Variants in MCTP1 observed in about 807,000 individuals in gnomAD.
MCTP1 encodes multiple C2 and transmembrane domain containing 1, also known as multiple C2 and transmembrane domain-containing protein 1.
In MCTP1, 69 loss-of-function variants were observed where a neutral mutation model predicts 120.6. That is an observed-to-expected ratio of 0.57 (90% CI 0.47 to 0.70). The LOEUF (loss-of-function observed/expected upper bound fraction) is 0.70, where lower values mean the gene tolerates loss of function less well. Ranked by LOEUF, MCTP1 falls within the 30% of genes least tolerant of loss-of-function variation. The pLI, the probability that MCTP1 is intolerant of heterozygous loss-of-function variation, is 0.00. For missense variants in MCTP1, 1,203 were observed against 1,248.8 expected (o/e 0.96, Z 0.55); for synonymous variants, 529 against 493.1 (o/e 1.07, Z -0.96).
At chr5:94,836,306 G>C (rs1322150735) in intron 17 of MCTP1, among the ~76,000 whole-genome samples, 2 of 151,916 alleles carry the variant, frequency 1.3e-5, no homozygotes, top group Non-Finnish European at 2.9e-5. Flanking sequence ...AGTGCCAATG[G>C]TATACAAAAT....
intron 1 of MCTP1, among the ~76,000 whole-genome samples, chr5:95,273,430 A>C (rs1384397503): frequency 6.6e-6 from 1 of 152,184 alleles, no homozygotes; most frequent in Non-Finnish European, 1.5e-5. Context: ...AAAATTTCCA[A>C]CAGAGCCCTT....
chr5:94,750,808 C>G (rs376049914), intron 19 of MCTP1, among the ~76,000 whole-genome samples: 85 of 152,248 alleles, frequency 5.6e-4, no homozygotes, highest in African/African-American at 1.4e-3. Flanking sequence ...ATACTGATGC[C>G]TAATTCAAAG....
At chr5:94,944,053 A>AT (rs1818364341) in intron 3 of MCTP1, among the ~76,000 whole-genome samples, 1 of 151,244 alleles carries the variant, frequency 6.6e-6, no homozygotes, top group Non-Finnish European at 1.5e-5. Context: ...TTTTCTTTTT[A>AT]TTTTTTTCTC....
intron 1 of MCTP1, among the ~76,000 whole-genome samples, chr5:95,137,101 C>T (rs1442209749): frequency 6.6e-6 from 1 of 152,114 alleles, no homozygotes; most frequent in Non-Finnish European, 1.5e-5. Context: ...AGTGTGATGC[C>T]CCCTGCTTAC....
At chr5:95,166,291 T>G (rs1215901234) in intron 1 of MCTP1, 1 of 152,172 alleles carries the variant, frequency 6.6e-6, no homozygotes, top group Non-Finnish European at 1.5e-5. Context: ...CTAAAAGCTT[T>G]GAGTTCTCCA....
intron 19 of MCTP1, among the ~76,000 whole-genome samples, chr5:94,761,036 G>A (rs926574715): frequency 5.9e-5 from 9 of 152,130 alleles, no homozygotes; most frequent in East Asian, 1.9e-4. Flanking sequence ...TATGATAAAC[G>A]CCCTTGAACA....
rs1318602147 is a variant in MCTP1 at position 95,144,909 on chromosome 5, T to C, written c.721-127425A>G. Among the ~76,000 whole-genome samples the C allele has an allele frequency of 2.6e-5, 4 of 152,174 alleles. No homozygotes were observed. The East Asian group carries it at 7.7e-4, about 29-fold the overall frequency. On this transcript the variant is annotated intron_variant, in intron 1 of 22. Coordinates refer to ENST00000515393, the MANE Select transcript of MCTP1 (RefSeq NM_024717.7). Reference sequence around the variant, plus strand: ...TTTTGGTTCCATATGAATTTTGGAATAGTTTTTTTCCTACTTCTGTGGAAA... The same window carrying C: ...TTTTGGTTCCATATGAATTTTGGAACAGTTTTTTTCCTACTTCTGTGGAAA...
At chr5:94,735,418 A>G (rs1215679271) in intron 19 of MCTP1, among the ~76,000 whole-genome samples, 1 of 152,152 alleles carries the variant, frequency 6.6e-6, no homozygotes, top group Non-Finnish European at 1.5e-5. Context: ...AGCTGAGACT[A>G]CAGGCGTACA....
At chr5:95,018,519 G>A (rs2153669678) in intron 1 of MCTP1, among the ~76,000 whole-genome samples, 1 of 146,954 alleles carries the variant, frequency 6.8e-6, no homozygotes, top group East Asian at 2.2e-4. Context: ...TTTTTTTGAG[G>A]TTTTAAGACC....
chr5:94,716,828 C>T (rs1759572711), intron 19 of MCTP1, among the ~76,000 whole-genome samples: 1 of 149,970 alleles, frequency 6.7e-6, no homozygotes, highest in Non-Finnish European at 1.5e-5. Context: ...GTGGAGAAAA[C>T]GGGGAGAACT....
chr5:94,897,321 G>C (rs1403985631), intron 10 of MCTP1, among the ~76,000 whole-genome samples: 2 of 149,512 alleles, frequency 1.3e-5, no homozygotes, highest in Non-Finnish European at 3.0e-5. Flanking sequence ...CAATCCACCT[G>C]GCTCGGCATT....
At position 94,783,269 on chromosome 5, in the gene MCTP1, A is replaced by G. The variant is rs78056242; in HGVS notation, c.2557-4106T>C. ...TTAAAAAGCATATTTCTTCCTCTAT[A>G]TTCAATATTTGCTGAACATTTGTCA... On this transcript the variant is annotated intron_variant, in intron 18 of 22. Coordinates refer to ENST00000515393, the MANE Select transcript of MCTP1 (RefSeq NM_024717.7). 5.0e-3 allele frequency among the ~76,000 whole-genome samples: 757 copies of G among 152,240 alleles called. 4 individuals carry two copies. The highest frequency in any genetic ancestry group is 0.018 in the African/African-American group (747 of 41,560).
chr5:95,052,680 G>T lies in MCTP1; in HGVS notation c.721-35196C>A, dbSNP rs529133387. On this transcript the variant is annotated intron_variant, in intron 1 of 22. Coordinates refer to ENST00000515393, the MANE Select transcript of MCTP1 (RefSeq NM_024717.7). ...CACAGACTGAAGGACTGTGGCCCTGGTTGGTAGGAGGTGGTATCCAGGGAT... is the reference window on the plus strand; with the variant it reads ...CACAGACTGAAGGACTGTGGCCCTGTTTGGTAGGAGGTGGTATCCAGGGAT... 6.6e-5 allele frequency among the ~76,000 whole-genome samples: 10 copies of T among 152,306 alleles called. No homozygotes were observed. The South Asian group carries it at 2.1e-3, about 32-fold the overall frequency.
At chr5:94,710,682 A>G (rs306573) in intron 21 of MCTP1, 136 bp downstream of exon 21, 447,515 of 594,666 alleles carry the variant, frequency 0.75, 170,077 homozygotes, top group East Asian at 0.95. Context: ...ATTTTTAACC[A>G]ACCTGTCTCT....
chr5:94,973,541 A>G (rs576857565), intron 2 of MCTP1, among the ~76,000 whole-genome samples: 1 of 152,230 alleles, frequency 6.6e-6, no homozygotes, highest in East Asian at 1.9e-4. Context: ...GAAGACAGAG[A>G]CCATTTTTGC....
intron 2 of MCTP1, among the ~76,000 whole-genome samples, chr5:94,971,555 T>C (rs897468717): frequency 1.3e-5 from 2 of 152,218 alleles, no homozygotes; most frequent in African/African-American, 4.8e-5. Flanking sequence ...TAGTGGATGC[T>C]TCTATAATCT....
chr5:94,867,089 T>A (rs1691533235), intron 17 of MCTP1: 1 of 553,064 alleles, frequency 1.8e-6, no homozygotes, highest in Admixed American at 3.9e-5. Context: ...GTATCATTTT[T>A]TCTCATCAAT....
At chr5:94,987,461 T>C (rs568048949) in intron 2 of MCTP1, among the ~76,000 whole-genome samples, 3 of 152,206 alleles carry the variant, frequency 2.0e-5, no homozygotes, top group Non-Finnish European at 4.4e-5. Flanking sequence ...TGTTCCTTCT[T>C]ACATTCCAGA....
intron 1 of MCTP1, among the ~76,000 whole-genome samples, chr5:95,074,920 T>C (rs1308069402): frequency 6.6e-6 from 1 of 152,232 alleles, no homozygotes; most frequent in Non-Finnish European, 1.5e-5. Flanking sequence ...TGTAAAAAGA[T>C]TGCAGAGGTA....
Sources: gnomAD v4.1 joint callset for allele counts (sites outside exome capture counted in the v4.1 genomes callset) on GRCh38, gnomAD v4.1.1 for gene constraint, MANE v1.5 for transcripts, NCBI Gene and HGNC (gene_info 2026-07-23, HGNC 2026-07-21) for gene names.